The following SLC24A2 variants were observed in gnomAD, a reference collection of about 807,000 sequenced individuals.
SLC24A2 encodes the protein solute carrier family 24 member 2.
SLC24A2 carries 36 observed loss-of-function variants against 62.0 expected under a neutral mutation model. The observed-to-expected ratio is 0.58, with a 90% CI of 0.44 to 0.77. The LOEUF (loss-of-function observed/expected upper bound fraction) is 0.77, where lower values mean the gene tolerates loss of function less well. Among genes scored for constraint, SLC24A2 ranks in the 30% least tolerant of loss-of-function variants. The pLI is 0.00. For synonymous variants in SLC24A2, 358 were observed against 294.0 expected (o/e 1.22, Z -2.23); for missense variants, 846 against 817.9 (o/e 1.03, Z -0.42).
intron 2 of SLC24A2, among the ~76,000 whole-genome samples, chr9:19,684,803 C>A (rs1027629292): frequency 5.9e-5 from 9 of 151,912 alleles, no homozygotes; most frequent in African/African-American, 9.7e-5. Context: ...AGAAGGATGC[C>A]TACTCTTACC....
chr9:19,805,886 A>C, the SLC24A2 span, among the ~76,000 whole-genome samples: 1 of 151,620 alleles, frequency 6.6e-6, no homozygotes, highest in African/African-American at 2.4e-5. Context: ...GGGTTGGGCA[A>C]GTGTGGGTCC....
At chr9:20,214,548 C>T in the SLC24A2 span, among the ~76,000 whole-genome samples, 1 of 151,630 alleles carries the variant, frequency 6.6e-6, no homozygotes, top group Non-Finnish European at 1.5e-5. Context: ...CCAGGAGGCA[C>T]AGCTTGCAGT....
At chr9:20,047,004 G>T in the SLC24A2 span, among the ~76,000 whole-genome samples, 1 of 152,146 alleles carries the variant, frequency 6.6e-6, no homozygotes, top group South Asian at 2.1e-4. Flanking sequence ...ATTTTTACGG[G>T]ACTACTATTC....
the SLC24A2 span, among the ~76,000 whole-genome samples, chr9:20,283,669 T>A: frequency 8.7e-5 from 13 of 148,596 alleles, no homozygotes; most frequent in African/African-American, 3.2e-4. Context: ...TTAAAAGACG[T>A]TAGAACAGGA....
the SLC24A2 span, among the ~76,000 whole-genome samples, chr9:20,193,665 T>C: frequency 3.3e-5 from 5 of 152,076 alleles, no homozygotes; most frequent in African/African-American, 1.2e-4. Context: ...ATGATAAATA[T>C]TTAGGATGTT....
At chr9:19,874,523 G>A in the SLC24A2 span, among the ~76,000 whole-genome samples, 2 of 152,144 alleles carry the variant, frequency 1.3e-5, no homozygotes, top group South Asian at 4.1e-4. Context: ...ACAGGAAATT[G>A]GAAATTGTAT....
At chr9:19,545,906 G>C (rs551583898) in intron 8 of SLC24A2, among the ~76,000 whole-genome samples, 87 of 152,262 alleles carry the variant, frequency 5.7e-4, no homozygotes, top group African/African-American at 2.0e-3. Flanking sequence ...CAGAGTGCTG[G>C]GATTACAGCC....
At chr9:20,114,855 C>A in the SLC24A2 span, among the ~76,000 whole-genome samples, 1 of 152,110 alleles carries the variant, frequency 6.6e-6, no homozygotes, top group African/African-American at 2.4e-5. Flanking sequence ...TTTCCTTCTA[C>A]CCCTGAAAGC....
chr9:19,851,006 T>C, the SLC24A2 span, among the ~76,000 whole-genome samples: 2 of 66,004 alleles, frequency 3.0e-5, no homozygotes, highest in African/African-American at 1.3e-4. Context: ...TATATACACA[T>C]ACATATATAT....
In SLC24A2 at chr9:19,643,330, AT is replaced by A. The variant is rs1818557131; in HGVS notation, c.931-21032del. On this transcript the variant is annotated intron_variant, in intron 2 of 10. Coordinates refer to ENST00000341998, the MANE Select transcript of SLC24A2 (RefSeq NM_020344.4). ...CCCATTATTCAGGCCAGATGTTTTC[AT>A]GTTTTTTAAAATTAATCTTGTTTGT... Among the ~76,000 whole-genome samples, 5 of 152,260 alleles carry A rather than the reference AT, an allele frequency of 3.3e-5. No individual in the cohort carries two copies. The South Asian group carries it at 1.0e-3, about 32-fold the overall frequency.
intron 2 of SLC24A2, among the ~76,000 whole-genome samples, chr9:19,724,344 G>C (rs1821110899): frequency 1.3e-5 from 2 of 152,168 alleles, no homozygotes; most frequent in Non-Finnish European, 1.5e-5. Flanking sequence ...TGTGATAACA[G>C]CTGTTTTCCA....
the SLC24A2 span, among the ~76,000 whole-genome samples, chr9:20,255,397 AC>A: frequency 2.0e-5 from 3 of 152,022 alleles, no homozygotes; most frequent in African/African-American, 7.3e-5. Flanking sequence ...ACAATAAGCT[AC>A]CCCCAAGTTA....
the SLC24A2 span, among the ~76,000 whole-genome samples, chr9:20,199,983 G>A: frequency 3.4e-5 from 5 of 148,828 alleles, no homozygotes; most frequent in Admixed American, 3.4e-4. Flanking sequence ...CGCCCATCTC[G>A]GCCTCCCAAA....
chr9:20,226,793 G>C, the SLC24A2 span, among the ~76,000 whole-genome samples: 1 of 152,152 alleles, frequency 6.6e-6, no homozygotes, highest in Non-Finnish European at 1.5e-5. Flanking sequence ...TCTGCAACTT[G>C]TGTAATCTCT....
the SLC24A2 span, among the ~76,000 whole-genome samples, chr9:19,932,580 C>CA: frequency 6.6e-6 from 1 of 152,144 alleles, no homozygotes; most frequent in Non-Finnish European, 1.5e-5. Flanking sequence ...ATGGGTGACT[C>CA]ACGGTTATGA....
chr9:20,278,828 C>T, the SLC24A2 span, among the ~76,000 whole-genome samples: 3 of 152,198 alleles, frequency 2.0e-5, no homozygotes, highest in Non-Finnish European at 4.4e-5. Context: ...CAGTACCCAA[C>T]TCTACTAGCA....
chr9:20,035,191 C>T, the SLC24A2 span, among the ~76,000 whole-genome samples: 1 of 152,062 alleles, frequency 6.6e-6, no homozygotes, highest in Non-Finnish European at 1.5e-5. Flanking sequence ...ACATCCACAA[C>T]AGTTAGGTAT....
chr9:19,572,592 A>G (rs556363001), intron 7 of SLC24A2, among the ~76,000 whole-genome samples: 1 of 152,286 alleles, frequency 6.6e-6, no homozygotes, highest in Admixed American at 6.5e-5. Flanking sequence ...TGCCATGATT[A>G]TAAGTTTCCT....
rs1056685720 is a variant in SLC24A2, at chr9:19,786,507, G to A, written c.360C>T (p.Tyr120=). 4 of 1,614,152 alleles carry A rather than the reference G, an allele frequency of 2.5e-6. No individual in the cohort carries two copies. The Admixed American group carries it at 6.7e-5, about 27-fold the overall frequency. ...ENSTDHAQGD[Y]PKDIFSLEER... ...CCTCAAGGGAAAAGATGTCTTTCGG[G>A]TAGTCTCCTTGGGCGTGATCTGTAC... Residue 120 remains tyrosine (Y), a synonymous_variant, in exon 2 of 11, where the codon TAC becomes TAT. Coordinates refer to ENST00000341998, the MANE Select transcript of SLC24A2 (RefSeq NM_020344.4). The surrounding 1 kb of genome is among the most constrained non-coding windows in gnomAD (Gnocchi z 5.0).
Sources: allele counts gnomAD v4.1 joint callset (sites outside exome capture counted in the v4.1 genomes callset), GRCh38; gene constraint gnomAD v4.1.1; non-coding constraint Gnocchi (gnomAD v3.1); transcripts MANE v1.5; gene names NCBI Gene and HGNC (gene_info 2026-07-23, HGNC 2026-07-21).